Variants in BCAN observed in about 807,000 individuals in gnomAD.
BCAN encodes the protein brevican core protein.
Under a neutral mutation model 92.4 loss-of-function variants are expected in BCAN, and 51 were observed. The observed-to-expected ratio is 0.55, with a 90% confidence interval of 0.44 to 0.70. The LOEUF (loss-of-function observed/expected upper bound fraction) is 0.70, where lower values mean the gene tolerates loss of function less well. Among genes scored for constraint, BCAN ranks in the 30% least tolerant of loss-of-function variants. The pLI is 0.00. For synonymous variants in BCAN, 501 were observed against 505.2 expected (o/e 0.99, Z 0.11); for missense variants, 1,140 against 1,212.1 (o/e 0.94, Z 0.88).
In BCAN at chr1:156,658,460, G is replaced by A. The variant is rs2298133; in HGVS notation, c.2438-83G>A. The A allele has an allele frequency of 0.057, 86,679 of 1,520,978 alleles. 5,156 individuals carry two copies. The highest frequency in any genetic ancestry group is 0.28 in the East Asian group (12,228 of 43,686). The allele number at this position is 1,520,978 out of a possible 1,614,324, so 94.2% of individuals were successfully genotyped here. The stretch of plus-strand genomic sequence containing the variant: ...CCTGATCTTTTTTTGTCATGTTGTG[G>A]CCCATTTTTCTCTTCCCCATGGAGA... On this transcript the variant is annotated intron_variant, in intron 12 of 13. Coordinates refer to ENST00000329117, the MANE Select transcript of BCAN (RefSeq NM_021948.5). The surrounding 1 kb of genome is among the most constrained non-coding windows in gnomAD (Gnocchi z 4.4).
intron 6 of BCAN, chr1:156,649,840 C>A: frequency 3.9e-6 from 2 of 517,828 alleles, no homozygotes; most frequent in Admixed American, 3.9e-5. Context: ...CAGTTTTAAG[C>A]CTGAAATACT....
chr1:156,659,195 C>A lies in BCAN; in HGVS notation c.*61C>A. ...GCCCTGTCACCCAAATTTTCCCTCA[C>A]ACCCTGCGCTCCCGCCACCACAGGA... On this transcript the variant is annotated 3_prime_UTR_variant, in exon 14 of 14. Coordinates refer to ENST00000329117, the MANE Select transcript of BCAN (RefSeq NM_021948.5). The A allele has an allele frequency of 7.7e-7, 1 of 1,302,020 alleles. No individual in the cohort carries two copies. The highest frequency in any genetic ancestry group is 1.0e-6 in the Non-Finnish European group (1 of 953,752). The allele number at this position is 1,302,020 out of a possible 1,614,324, so 80.7% of individuals were successfully genotyped here. A position where few individuals can be genotyped will look rare whatever the true frequency, so the allele number is the denominator to read the frequency against.
chr1:156,647,436 G>T lies in BCAN; in HGVS notation c.467-72G>T. ...TTTATTTACCCTTGTGTACAGAGGA[G>T]TGACAAGGAGGGTGAGGGGAGGCCA... is the stretch of plus-strand genomic sequence containing the variant. On this transcript the variant is annotated intron_variant, in intron 3 of 13. Coordinates refer to ENST00000329117, the MANE Select transcript of BCAN (RefSeq NM_021948.5). This position sits in a 1 kb window ranked among gnomAD's most constrained non-coding sequence, Gnocchi z 4.8. 2 of 1,413,926 alleles carry T rather than the reference G, an allele frequency of 1.4e-6. No homozygotes were observed. The highest frequency in any genetic ancestry group is 1.9e-6 in the Non-Finnish European group (2 of 1,044,332). 87.6% of individuals were successfully genotyped at this position (1,413,926 alleles called of 1,614,324 possible).
chr1:156,646,584 G>C (rs532890264), intron 2 of BCAN: 8 of 704,684 alleles, frequency 1.1e-5, no homozygotes, highest in African/African-American at 5.6e-5. Context: ...TTGACTGGGA[G>C]ACTTTGGGGG....
chr1:156,653,103 T>C, intron 8 of BCAN: 1 of 1,417,762 alleles, frequency 7.1e-7, no homozygotes, highest in Non-Finnish European at 9.2e-7. Flanking sequence ...CTTTACCCTG[T>C]GATCCCAGCC....
intron 1 of BCAN, chr1:156,643,509 T>G (rs1678856554): frequency 6.6e-6 from 1 of 152,222 alleles, no homozygotes; most frequent in Non-Finnish European, 1.5e-5. Flanking sequence ...TGCTGAGTGC[T>G]GGAGCTCAGT....
At chr1:156,651,957 C>T (rs1362961510) in intron 7 of BCAN, among the ~76,000 whole-genome samples, 5 of 152,188 alleles carry the variant, frequency 3.3e-5, no homozygotes, top group African/African-American at 7.2e-5. Context: ...GTCCCTCTTC[C>T]GCCTCACACA....
At position 156,658,644 on chromosome 1, in the gene BCAN, G is replaced by A. The variant is rs768475912; in HGVS notation, c.2539G>A (p.Gly847Arg). 1.5e-5 allele frequency: 24 copies of A among 1,614,038 alleles called. No homozygotes were observed. The highest frequency in any genetic ancestry group is 1.7e-5 in the Non-Finnish European group (20 of 1,180,060). ...TGTGCTTCGCTACCGGTGCCGGGAA[G>A]GACTGGCCCAGCGCAATCTGCCGCT... is the stretch of plus-strand genomic sequence containing the variant. ...DTVLRYRCRE[G>R]LAQRNLPLIR... Residue 847 changes from glycine to arginine, a missense_variant, in exon 13 of 14, where the codon GGA becomes AGA. By Grantham distance (125) the Gly-to-Arg change is moderately radical. Around this residue, in one of 3 missense-constraint regions of BCAN, gnomAD observed 825 missense variants for 871.8 expected, o/e 0.95. Coordinates refer to ENST00000329117, the MANE Select transcript of BCAN (RefSeq NM_021948.5). This position sits in a 1 kb window ranked among gnomAD's most constrained non-coding sequence, Gnocchi z 4.4.
chr1:156,646,034 G>A lies in BCAN; in HGVS notation c.-8-13G>A. 1.2e-6 allele frequency: 2 copies of A among 1,605,186 alleles called. No individual in the cohort carries two copies. The highest frequency in any genetic ancestry group is 1.1e-5 in the South Asian group (1 of 90,576). On this transcript the variant is annotated splice_polypyrimidine_tract_variant and intron_variant, in intron 1 of 13. Coordinates refer to ENST00000329117, the MANE Select transcript of BCAN (RefSeq NM_021948.5). ...GTCTAACCCCATCTTTCCTTCTCAT[G>A]TCCCTCTGTCAGCCTGCAGCATGGC...
In BCAN at chr1:156,659,254, C is replaced by A; in HGVS notation, c.*120C>A. 1 of 752,500 alleles carries A rather than the reference C, an allele frequency of 1.3e-6. No individual in the cohort carries two copies. The highest frequency in any genetic ancestry group is 2.1e-6 in the Non-Finnish European group (1 of 483,172). The allele number at this position is 752,500 out of a possible 1,614,324, so 46.6% of individuals were successfully genotyped here. ...CATGACGAGGGGTGGTACTGGAGTC[C>A]AGGTGACAGTTCCTGAAGGGGCTTC... On this transcript the variant is annotated 3_prime_UTR_variant, in exon 14 of 14. Coordinates refer to ENST00000329117, the MANE Select transcript of BCAN (RefSeq NM_021948.5).
intron 8 of BCAN, 41 bp downstream of exon 8, chr1:156,652,933 C>T: frequency 6.2e-7 from 1 of 1,604,772 alleles, no homozygotes; most frequent in Non-Finnish European, 8.5e-7. Flanking sequence ...CTATCCTACT[C>T]CTTTTCTTCC....
At position 156,653,144 on chromosome 1, in the gene BCAN, C is replaced by T. The variant is rs1160701740; in HGVS notation, c.1942+252C>T. On this transcript the variant is annotated intron_variant, in intron 8 of 13. Coordinates refer to ENST00000329117, the MANE Select transcript of BCAN (RefSeq NM_021948.5). ...ACTGACCATCTGTGACCCTTCCCTG[C>T]CATTGGGCCCTCCACCTGTGGCTCA... 40 of 1,401,956 alleles carry T rather than the reference C, an allele frequency of 2.9e-5. No individual in the cohort carries two copies. The Admixed American group carries it at 1.1e-3, about 39-fold the overall frequency. The allele number at this position is 1,401,956 out of a possible 1,614,324, so 86.8% of individuals were successfully genotyped here. A position where few individuals can be genotyped will look rare whatever the true frequency, so the allele number is the denominator to read the frequency against.
chr1:156,656,521 ACTTCTT>A (rs1679334263), intron 9 of BCAN, 132 bp downstream of exon 9: 2 of 673,608 alleles, frequency 3.0e-6, no homozygotes, highest in South Asian at 4.2e-5. Flanking sequence ...AAGTTGCATA[ACTTCTT>A]TGAGTCCTAC....
intron 2 of BCAN, 113 bp from the exon 3 acceptor site, chr1:156,646,688 G>A (rs1258003377): frequency 2.7e-6 from 4 of 1,456,736 alleles, no homozygotes; most frequent in Non-Finnish European, 3.6e-6. Flanking sequence ...TCCTAGGGGG[G>A]CCGGGGAATC....
At chr1:156,646,600 T>A (rs1369902881) in intron 2 of BCAN, 1 of 831,402 alleles carries the variant, frequency 1.2e-6, no homozygotes, top group Non-Finnish European at 1.8e-6. Context: ...GGGGGATGGG[T>A]CTGGAGACCG....
intron 6 of BCAN, among the ~76,000 whole-genome samples, chr1:156,649,713 T>A (rs1056405370): frequency 3.3e-5 from 5 of 152,152 alleles, no homozygotes; most frequent in Non-Finnish European, 7.4e-5. Flanking sequence ...CCTGCCCATA[T>A]CTTATGTTGG....
At chr1:156,651,762 G>A in intron 7 of BCAN, 73 bp downstream of exon 7, 2 of 1,331,836 alleles carry the variant, frequency 1.5e-6, no homozygotes. Flanking sequence ...AGCCCAGGTT[G>A]ATGCTAGGGT....
chr1:156,649,969 C>T, intron 6 of BCAN: 1 of 518,504 alleles, frequency 1.9e-6, no homozygotes, highest in Non-Finnish European at 3.9e-6. Flanking sequence ...AAAGGGAAGA[C>T]AAGATGCCTC....
At chr1:156,649,769 C>T (rs1679101586) in intron 6 of BCAN, 1 of 429,914 alleles carries the variant, frequency 2.3e-6, no homozygotes, top group Non-Finnish European at 4.6e-6. Flanking sequence ...ATGCAAAAGG[C>T]CCAGGCCAAG....
Sources: allele counts gnomAD v4.1 joint callset (sites outside exome capture counted in the v4.1 genomes callset), GRCh38; gene constraint gnomAD v4.1.1; regional missense constraint gnomAD v4.1.1; non-coding constraint Gnocchi (gnomAD v3.1); transcripts MANE v1.5; gene names NCBI Gene and HGNC (gene_info 2026-07-23, HGNC 2026-07-21).